Variants in HEMK2 observed in about 807,000 individuals in gnomAD.
HEMK2 encodes the protein methyltransferase HEMK2.
the HEMK2 span, among the ~76,000 whole-genome samples, chr21:28,729,851 C>T: frequency 3.9e-5 from 6 of 152,102 alleles, no homozygotes; most frequent in African/African-American, 9.7e-5. Context: ...ATAAACAGCA[C>T]ACCACTCCCT....
the HEMK2 span, chr21:28,873,487 A>C: frequency 6.6e-6 from 1 of 152,234 alleles, no homozygotes; most frequent in Non-Finnish European, 1.5e-5. Flanking sequence ...TGCCTTCAGC[A>C]AGCACTTCAT....
At chr21:28,703,321 T>A in the HEMK2 span, among the ~76,000 whole-genome samples, 1 of 148,392 alleles carries the variant, frequency 6.7e-6, no homozygotes. Flanking sequence ...AAATAAAAGT[T>A]AAAAAAAAAA....
chr21:28,744,759 G>A, the HEMK2 span, among the ~76,000 whole-genome samples: 254 of 152,214 alleles, frequency 1.7e-3, 1 homozygote, highest in Admixed American at 0.015. Context: ...AGCTATTTTA[G>A]ATAAACATGG....
chr21:28,597,772 G>T, the HEMK2 span, among the ~76,000 whole-genome samples: 2 of 152,198 alleles, frequency 1.3e-5, no homozygotes, highest in East Asian at 3.9e-4. Context: ...ATGAATTTTA[G>T]AAGTTTCTAA....
At chr21:28,833,857 G>A in the HEMK2 span, among the ~76,000 whole-genome samples, 1 of 152,154 alleles carries the variant, frequency 6.6e-6, no homozygotes, top group Non-Finnish European at 1.5e-5. Context: ...ATATCTACCT[G>A]TGCAGAAAAG....
the HEMK2 span, among the ~76,000 whole-genome samples, chr21:28,755,109 TAGA>T: frequency 0.18 from 27,075 of 152,018 alleles, 2,819 homozygotes; most frequent in African/African-American, 0.28. Context: ...TCCAGGGCAG[TAGA>T]AGAATTCGTG....
chr21:28,670,978 T>C, the HEMK2 span: 9 of 152,290 alleles, frequency 5.9e-5, no homozygotes, highest in South Asian at 1.4e-3. Context: ...TGAGATTTGG[T>C]TGGGGACACA....
At chr21:28,838,983 A>G in the HEMK2 span, among the ~76,000 whole-genome samples, 2 of 67,066 alleles carry the variant, frequency 3.0e-5, no homozygotes, top group South Asian at 5.4e-4. Flanking sequence ...ATATATATAT[A>G]TATATATATA....
the HEMK2 span, among the ~76,000 whole-genome samples, chr21:28,799,214 G>A: frequency 1.6e-3 from 242 of 152,316 alleles, no homozygotes; most frequent in Admixed American, 4.0e-3. Flanking sequence ...ACAGTTCCAC[G>A]TGGCTGGGGA....
At chr21:28,586,467 C>G in the HEMK2 span, among the ~76,000 whole-genome samples, 1 of 152,162 alleles carries the variant, frequency 6.6e-6, no homozygotes, top group Non-Finnish European at 1.5e-5. Flanking sequence ...AAGATGATTG[C>G]TTGCTACCAA....
chr21:28,584,009 T>C, the HEMK2 span, among the ~76,000 whole-genome samples: 6 of 152,304 alleles, frequency 3.9e-5, no homozygotes. Flanking sequence ...GAAAGCTACA[T>C]GCCAAAATCC....
At chr21:28,594,333 G>T in the HEMK2 span, among the ~76,000 whole-genome samples, 5 of 152,136 alleles carry the variant, frequency 3.3e-5, no homozygotes, top group African/African-American at 9.7e-5. Flanking sequence ...AAAATAAAAT[G>T]TGGAATTTAA....
At chr21:28,610,420 G>A in the HEMK2 span, among the ~76,000 whole-genome samples, 10 of 151,682 alleles carry the variant, frequency 6.6e-5, no homozygotes, top group African/African-American at 1.7e-4. Context: ...ATCTTCAAAC[G>A]AATCCTTGAC....
At chr21:28,775,420 T>G in the HEMK2 span, among the ~76,000 whole-genome samples, 2 of 152,286 alleles carry the variant, frequency 1.3e-5, no homozygotes, top group South Asian at 4.1e-4. Flanking sequence ...GGTCTTGAGC[T>G]GAGGAGAATT....
chr21:28,619,327 C>T, the HEMK2 span, among the ~76,000 whole-genome samples: 3 of 152,086 alleles, frequency 2.0e-5, no homozygotes, highest in East Asian at 3.9e-4. Flanking sequence ...AATTTTGTGC[C>T]TTATGAGAAG....
chr21:28,625,781 G>A, the HEMK2 span, among the ~76,000 whole-genome samples: 1 of 151,970 alleles, frequency 6.6e-6, no homozygotes, highest in Non-Finnish European at 1.5e-5. Flanking sequence ...ATTTGGCAAG[G>A]TAGGTAGATT....
At chr21:28,599,736 C>A in the HEMK2 span, among the ~76,000 whole-genome samples, 6 of 152,210 alleles carry the variant, frequency 3.9e-5, no homozygotes, top group Non-Finnish European at 8.8e-5. Flanking sequence ...ACCCCTTCCA[C>A]CTATGAGCCG....
chr21:28,577,486 G>A, the HEMK2 span: 1 of 152,070 alleles, frequency 6.6e-6, no homozygotes, highest in African/African-American at 2.4e-5. Context: ...TTATCCATAA[G>A]AAATTAATAG....
the HEMK2 span, chr21:28,876,283 G>C: frequency 1.2e-5 from 9 of 757,306 alleles, no homozygotes; most frequent in African/African-American, 1.4e-4. Flanking sequence ...TTTTTTTAAT[G>C]ACAAATTTCT....
Sources: gnomAD v4.1 joint callset for allele counts (sites outside exome capture counted in the v4.1 genomes callset) on GRCh38, gnomAD v4.1.1 for gene constraint, MANE v1.5 for transcripts, NCBI Gene and HGNC (gene_info 2026-07-23, HGNC 2026-07-21) for gene names.